The following SYNJ2 variants were observed in gnomAD, a reference collection of about 807,000 sequenced individuals.
SYNJ2 encodes synaptojanin 2.
SYNJ2 carries 116 observed loss-of-function variants against 141.3 expected under a neutral mutation model. The observed-to-expected ratio is 0.82, with a 90% CI of 0.71 to 0.96. The LOEUF is 0.96. SYNJ2 is among the 40% of genes least tolerant of loss of function. The pLI is 0.00. For missense variants in SYNJ2, 1,873 were observed against 1,934.8 expected (o/e 0.97, Z 0.60); for synonymous variants, 745 against 777.7 (o/e 0.96, Z 0.70).
chr6:158,021,462 G>A (rs1778767779), intron 2 of SYNJ2, among the ~76,000 whole-genome samples: 1 of 152,250 alleles, frequency 6.6e-6, no homozygotes, highest in Non-Finnish European at 1.5e-5. Context: ...AGGCGGGCTG[G>A]CCACAGGCAG....
At chr6:158,072,411 T>C (rs1010898662) in intron 15 of SYNJ2, among the ~76,000 whole-genome samples, 31 of 152,206 alleles carry the variant, frequency 2.0e-4, no homozygotes, top group Non-Finnish European at 3.7e-4. Flanking sequence ...ATGTTCTCCT[T>C]CCTGTGCAAA....
rs1783860650 is a variant in SYNJ2, at chr6:158,097,677, T to G, written c.*1313T>G. 1 of 152,228 alleles carries G rather than the reference T, an allele frequency of 6.6e-6. No individual in the cohort carries two copies. The highest frequency in any genetic ancestry group is 2.4e-5 in the African/African-American group (1 of 41,458). 9.4% of individuals were successfully genotyped at this position (152,228 alleles called of 1,614,324 possible). ...ACTGCTAGGATAGTAAGGATCATCT[T>G]GCCTGGGCTATGCCACTGTCTTGTT... On this transcript the variant is annotated 3_prime_UTR_variant, in exon 27 of 27. Transcript: ENST00000355585.
rs183772355 is a variant in SYNJ2 at position 158,022,832 on chromosome 6, G to A, written c.214+5542G>A. 6.6e-5 allele frequency among the ~76,000 whole-genome samples: 10 copies of A among 152,290 alleles called. 1 individual carries two copies. In the East Asian group the frequency reaches 1.2e-3, roughly 18 times the overall value. On this transcript the variant is annotated intron_variant, in intron 2 of 26. Coordinates refer to ENST00000355585, the MANE Select transcript of SYNJ2 (RefSeq NM_003898.4). ...AAATCCTGTGCTCTAGGTGAGCATC[G>A]GGAGGGGCCTCACACACCTGGGGCA...
At chr6:158,003,932 G>A (rs1043711997) in intron 1 of SYNJ2, among the ~76,000 whole-genome samples, 21 of 152,212 alleles carry the variant, frequency 1.4e-4, no homozygotes, top group Non-Finnish European at 2.5e-4. Context: ...CACTGGAGCT[G>A]GAGACGGGGA....
At chr6:158,025,682 G>A (rs1334850454) in intron 2 of SYNJ2, among the ~76,000 whole-genome samples, 2 of 151,040 alleles carry the variant, frequency 1.3e-5, no homozygotes, top group African/African-American at 4.9e-5. Context: ...GCCGGGCGTG[G>A]TGGCTCACGC....
intron 24 of SYNJ2, 58 bp downstream of exon 24, chr6:158,088,830 A>T: frequency 8.2e-7 from 1 of 1,221,422 alleles, no homozygotes; most frequent in Non-Finnish European, 1.2e-6. Flanking sequence ...ATAGTGTGGG[A>T]TCTCTCTTCT....
At chr6:157,992,430 T>C (rs1777481451) in intron 1 of SYNJ2, among the ~76,000 whole-genome samples, 1 of 150,560 alleles carries the variant, frequency 6.6e-6, no homozygotes, top group African/African-American at 2.4e-5. Context: ...TTTTCCTTTT[T>C]TTTGAGACAG....
rs1298618257 is a variant in SYNJ2 at position 158,096,236 on chromosome 6, G to A, written c.4363G>A (p.Gly1455Ser). Reference sequence around the variant, plus strand: ...AGATCCCATAGACCCAGTGTCAGCTGGCGCTTCAGCTGCCAAGGCAGAGCT... The same window carrying A: ...AGATCCCATAGACCCAGTGTCAGCTAGCGCTTCAGCTGCCAAGGCAGAGCT... ...KRDPIDPVSA[G>S]ASAAKAELPP... Residue 1455 changes from glycine to serine, a missense_variant, in exon 27 of 27, where the codon GGC (glycine) becomes AGC (serine). Physicochemically the swap from Gly to Ser is moderately conservative, Grantham distance 56. Coordinates refer to ENST00000355585, the MANE Select transcript of SYNJ2 (RefSeq NM_003898.4). 2 of 1,614,122 alleles carry A rather than the reference G, an allele frequency of 1.2e-6. No homozygotes were observed. The highest frequency in any genetic ancestry group is 2.7e-5 in the African/African-American group (2 of 74,940).
In SYNJ2 at chr6:158,040,554, G is replaced by A. The variant is rs1779892594; in HGVS notation, c.712-2762G>A. ...CTATTAAAAAAAAAAAAGGATGTAA[G>A]ATAAATATTTGGCTATTCAAGATAA... On this transcript the variant is annotated intron_variant, in intron 4 of 26. Coordinates refer to ENST00000355585, the MANE Select transcript of SYNJ2 (RefSeq NM_003898.4). This position sits in a 1 kb window ranked among gnomAD's most constrained non-coding sequence, Gnocchi z 4.2. 6.6e-6 allele frequency among the ~76,000 whole-genome samples: 1 copy of A among 151,862 alleles called. No individual in the cohort carries two copies. Among genetic ancestry groups the A allele is most frequent in the South Asian group, 2.1e-4 (1 of 4,822 alleles).
rs1782675589 is a variant in SYNJ2, at chr6:158,081,444, G to A, written c.2799G>A (p.Gly933=). ...TCATTTATTCCAGGATCAACCAAGGGCAGATGCTGGTAACTTTTGCAGACA... is the reference window on the plus strand; with the variant it reads ...TCATTTATTCCAGGATCAACCAAGGACAGATGCTGGTAACTTTTGCAGACA... ...GTIVLVRINQ[G]QMLVTFADSH... is the part of the protein sequence containing the mutation. Residue 933 remains glycine (G), a synonymous_variant, in exon 20 of 27, where the codon GGG becomes GGA. Coordinates refer to ENST00000355585, the MANE Select transcript of SYNJ2 (RefSeq NM_003898.4). The A allele has an allele frequency of 1.2e-6, 2 of 1,613,828 alleles. No individual in the cohort carries two copies. The highest frequency in any genetic ancestry group is 8.5e-7 in the Non-Finnish European group (1 of 1,179,996).
intron 2 of SYNJ2, among the ~76,000 whole-genome samples, chr6:158,025,344 A>T (rs1778984890): frequency 6.6e-6 from 1 of 152,188 alleles, no homozygotes; most frequent in South Asian, 2.1e-4. Context: ...GCACACATTC[A>T]GTCAATAGCA....
intron 1 of SYNJ2, among the ~76,000 whole-genome samples, chr6:157,988,163 G>A (rs1242252493): frequency 1.3e-5 from 2 of 152,242 alleles, no homozygotes; most frequent in South Asian, 2.1e-4. Flanking sequence ...TCCACCCCAG[G>A]CCCGGGCGTT....
intron 18 of SYNJ2, chr6:158,078,499 A>G (rs910531695): frequency 2.0e-5 from 7 of 349,774 alleles, no homozygotes; most frequent in African/African-American, 6.3e-5. Flanking sequence ...ATTGCTCCAT[A>G]TCATAAATGA....
At chr6:158,088,156 G>A (rs1348550597) in intron 23 of SYNJ2, among the ~76,000 whole-genome samples, 1 of 140,558 alleles carries the variant, frequency 7.1e-6, no homozygotes, top group Non-Finnish European at 1.5e-5. Flanking sequence ...GACCTCCCCG[G>A]CTCAAGCAAT....
intron 1 of SYNJ2, chr6:158,002,422 T>TC (rs1374847271): frequency 3.3e-5 from 5 of 152,264 alleles, no homozygotes; most frequent in Non-Finnish European, 7.3e-5. Flanking sequence ...GGAGGAGCCT[T>TC]CCCAAGAGGA....
At chr6:158,082,531 G>A (rs1345414025) in intron 20 of SYNJ2, among the ~76,000 whole-genome samples, 2 of 150,564 alleles carry the variant, frequency 1.3e-5, no homozygotes, top group African/African-American at 2.5e-5. Context: ...ACATGGTGGC[G>A]CGTGCCTCTA....
chr6:158,006,409 G>A lies in SYNJ2; in HGVS notation c.128-10795G>A, dbSNP rs144193766. ...GTCTGACTAAAGTGACAAATTCTCAGTCCTCAAATTATAGATGCAGAAGCA... is the reference window on the plus strand; with the variant it reads ...GTCTGACTAAAGTGACAAATTCTCAATCCTCAAATTATAGATGCAGAAGCA... On this transcript the variant is annotated intron_variant, in intron 1 of 26. Coordinates refer to ENST00000355585, the MANE Select transcript of SYNJ2 (RefSeq NM_003898.4). Among the ~76,000 whole-genome samples, 844 of 152,200 alleles carry A rather than the reference G, an allele frequency of 5.5e-3. 7 individuals carry two copies. Among genetic ancestry groups the A allele is most frequent in the African/African-American group, 0.019 (793 of 41,514 alleles).
In SYNJ2 at chr6:158,095,685, G is replaced by A. The variant is rs760287336; in HGVS notation, c.3812G>A (p.Ser1271Asn). The change falls in exon 27 of 27, where the codon AGC (serine) becomes AAC (asparagine). Residue 1271 changes from serine to asparagine, a missense_variant. Transcript: ENST00000355585. ...TTTACAATCGGGCCCCCGGAGACAA[G>A]CGTTGAGGCCCCTCCTGTCGTGACA... ...VHFTIGPPET[S>N]VEAPPVVTAP... The A allele has an allele frequency of 7.2e-5, 116 of 1,614,022 alleles. No individual in the cohort carries two copies. The highest frequency in any genetic ancestry group is 4.9e-4 in the Middle Eastern group (3 of 6,062).
intron 1 of SYNJ2, among the ~76,000 whole-genome samples, chr6:157,985,255 TTCACCTGTCC>T (rs1171189936): frequency 6.9e-6 from 1 of 144,226 alleles, no homozygotes; most frequent in Non-Finnish European, 1.5e-5. Flanking sequence ...TTCACCTGTC[TTCACCTGTCC>T]TGCTCTAAAG....
Sources: gnomAD v4.1 joint callset for allele counts (sites outside exome capture counted in the v4.1 genomes callset) on GRCh38, gnomAD v4.1.1 for gene constraint, Gnocchi (gnomAD v3.1) non-coding constraint, MANE v1.5 for transcripts, NCBI Gene and HGNC (gene_info 2026-07-23, HGNC 2026-07-21) for gene names.